Variants in PCCA observed in about 807,000 individuals in gnomAD.
PCCA encodes the protein propionyl-CoA carboxylase alpha chain, mitochondrial.
A neutral mutation model predicts 101.3 loss-of-function variants in PCCA; 74 were observed. The ratio of observed to expected loss-of-function variants is 0.73; its 90% CI spans 0.61 to 0.89. The LOEUF (loss-of-function observed/expected upper bound fraction) is 0.89. Among genes scored for constraint, PCCA ranks in the 40% least tolerant of loss-of-function variants. The pLI is 0.00. For synonymous variants in PCCA, 294 were observed against 313.6 expected (o/e 0.94, Z 0.66); for missense variants, 891 against 907.0 (o/e 0.98, Z 0.23).
At chr13:100,097,070 C>T (rs962492170) in intron 1 of PCCA, among the ~76,000 whole-genome samples, 1 of 152,106 alleles carries the variant, frequency 6.6e-6, no homozygotes, top group African/African-American at 2.4e-5. Context: ...ATTAATTGGA[C>T]CTGAACCTAC....
intron 20 of PCCA, among the ~76,000 whole-genome samples, chr13:100,442,775 A>G (rs2080475020): frequency 6.6e-6 from 1 of 152,234 alleles, no homozygotes; most frequent in African/African-American, 2.4e-5. Context: ...TTTAGCAAGG[A>G]TGGCTAGGAA....
intron 21 of PCCA, among the ~76,000 whole-genome samples, chr13:100,451,018 A>C (rs1180520785): frequency 6.6e-6 from 1 of 152,206 alleles, no homozygotes; most frequent in East Asian, 1.9e-4. Context: ...GGCAAGACTA[A>C]AATCTGCAGG....
chr13:100,293,065 T>G (rs1182098613), intron 12 of PCCA, among the ~76,000 whole-genome samples: 1 of 151,882 alleles, frequency 6.6e-6, no homozygotes, highest in African/African-American at 2.4e-5. Context: ...TCTATAGGAG[T>G]TAGAAAATTC....
At chr13:100,131,153 T>G (rs1265024229) in intron 4 of PCCA, among the ~76,000 whole-genome samples, 1 of 151,980 alleles carries the variant, frequency 6.6e-6, no homozygotes. Context: ...TTGGCTTAAG[T>G]AGGGAAAGTT....
intron 10 of PCCA, among the ~76,000 whole-genome samples, chr13:100,265,428 TAATA>T (rs1219096916): frequency 6.6e-6 from 1 of 152,242 alleles, no homozygotes; most frequent in Non-Finnish European, 1.5e-5. Context: ...TTTGCTTTTA[TAATA>T]AATCTAGAAA....
chr13:100,225,003 C>T (rs1193798413), intron 7 of PCCA, among the ~76,000 whole-genome samples: 1 of 152,096 alleles, frequency 6.6e-6, no homozygotes, highest in African/African-American at 2.4e-5. Context: ...TTTGGGGAGC[C>T]TCTGAATAAT....
intron 17 of PCCA, among the ~76,000 whole-genome samples, chr13:100,334,933 C>CAG (rs2070203361): frequency 6.6e-6 from 1 of 152,098 alleles, no homozygotes; most frequent in African/African-American, 2.4e-5. Flanking sequence ...CACTGAGATT[C>CAG]AGACTGGATT....
In PCCA at chr13:100,394,468, T is replaced by C. The variant is rs970578701; in HGVS notation, c.1746+25894T>C. On this transcript the variant is annotated intron_variant, in intron 19 of 23. Transcript: ENST00000376285. This position sits in a 1 kb window ranked among gnomAD's most constrained non-coding sequence, Gnocchi z 4.3. ...CTGTCAGACTATCACAGCAGCTGTG[T>C]GTTTGCAGATTTTGCTTATGAGAGG... 6.6e-6 allele frequency among the ~76,000 whole-genome samples: 1 copy of C among 152,146 alleles called. No homozygotes were observed. The highest frequency in any genetic ancestry group is 2.4e-5 in the African/African-American group (1 of 41,436).
At position 100,195,635 on chromosome 13, in the gene PCCA, G is replaced by A. The variant is rs190595286; in HGVS notation, c.469-13697G>A. ...TTCTTGTCAGTGCAACCAGTCTAAG[G>A]TTTTACATGATAAAGGAAATCTGTG... On this transcript the variant is annotated intron_variant, in intron 6 of 23. Coordinates refer to ENST00000376285, the MANE Select transcript of PCCA (RefSeq NM_000282.4). Among the ~76,000 whole-genome samples, 63 of 152,182 alleles carry A rather than the reference G, an allele frequency of 4.1e-4. 1 individual carries two copies. The highest frequency in any genetic ancestry group is 3.7e-3 in the Admixed American group (56 of 15,278).
chr13:100,402,486 T>A (rs1226419076), intron 19 of PCCA, among the ~76,000 whole-genome samples: 4 of 152,240 alleles, frequency 2.6e-5, no homozygotes, highest in Non-Finnish European at 5.9e-5. Flanking sequence ...TAGATACTTA[T>A]CAAGGATCTG....
chr13:100,425,582 T>A (rs531785051), intron 19 of PCCA, 51 bp from the exon 20 acceptor site: 2 of 1,238,534 alleles, frequency 1.6e-6, no homozygotes, highest in African/African-American at 2.9e-5. Context: ...GAACTTGAGA[T>A]CAGTTTTCTG....
chr13:100,156,396 C>A (rs777990477), intron 5 of PCCA, among the ~76,000 whole-genome samples: 2 of 152,148 alleles, frequency 1.3e-5, no homozygotes, highest in African/African-American at 4.8e-5. Flanking sequence ...GTCGCTGATA[C>A]GTAGCTATTT....
At chr13:100,516,621 G>A (rs1214647723) in intron 22 of PCCA, among the ~76,000 whole-genome samples, 1 of 152,170 alleles carries the variant, frequency 6.6e-6, no homozygotes, top group Admixed American at 6.5e-5. Context: ...AAGAGGCTAC[G>A]TGGCTGTGAA....
intron 5 of PCCA, among the ~76,000 whole-genome samples, 175 bp downstream of exon 5, chr13:100,155,267 G>A (rs1324644402): frequency 6.6e-6 from 1 of 152,230 alleles, no homozygotes; most frequent in African/African-American, 2.4e-5. Flanking sequence ...AGGCTTTGTA[G>A]CATCTGGCAG....
intron 16 of PCCA, 95 bp downstream of exon 16, chr13:100,310,003 C>G (rs1407893661): frequency 1.1e-6 from 1 of 873,300 alleles, no homozygotes; most frequent in Non-Finnish European, 2.0e-6. Context: ...TGGCACAGCA[C>G]ATTTGCTCAC....
chr13:100,340,401 CTG>C (rs2071122987), intron 18 of PCCA, 142 bp downstream of exon 18: 2 of 680,800 alleles, frequency 2.9e-6, no homozygotes, highest in Non-Finnish European at 5.3e-6. Context: ...TAAAGTCACA[CTG>C]TATAAATATG....
intron 4 of PCCA, 88 bp from the exon 5 acceptor site, chr13:100,154,891 A>G (rs754320180): frequency 3.2e-5 from 28 of 870,444 alleles, no homozygotes; most frequent in Admixed American, 1.5e-4. Context: ...AGGCAGAACA[A>G]TCAGATTTGC....
intron 22 of PCCA, among the ~76,000 whole-genome samples, chr13:100,521,489 C>T (rs1202119205): frequency 1.3e-5 from 2 of 152,230 alleles, no homozygotes; most frequent in African/African-American, 4.8e-5. Flanking sequence ...CATCCTTGCT[C>T]AAATACTGCA....
intron 12 of PCCA, among the ~76,000 whole-genome samples, chr13:100,293,833 T>G (rs1168281647): frequency 6.6e-6 from 1 of 152,220 alleles, no homozygotes; most frequent in Non-Finnish European, 1.5e-5. Context: ...AAGAAGTTTT[T>G]GGTATACAGA....
Sources: allele counts gnomAD v4.1 joint callset (sites outside exome capture counted in the v4.1 genomes callset), GRCh38; gene constraint gnomAD v4.1.1; non-coding constraint Gnocchi (gnomAD v3.1); transcripts MANE v1.5; gene names NCBI Gene and HGNC (gene_info 2026-07-23, HGNC 2026-07-21).